The following SEPTIN9 variants were observed in gnomAD, a reference collection of about 807,000 sequenced individuals.
The protein encoded by SEPTIN9 is septin 9, also known as septin-9.
A neutral mutation model predicts 56.6 loss-of-function variants in SEPTIN9; 13 were observed. That is an observed-to-expected ratio of 0.23 (90% confidence interval 0.15 to 0.37). The LOEUF (loss-of-function observed/expected upper bound fraction) is 0.37. SEPTIN9 is among the 10% of genes least tolerant of loss of function. SEPTIN9 has a pLI of 1.00. For synonymous variants in SEPTIN9, 332 were observed against 334.1 expected (o/e 0.99, Z 0.07); for missense variants, 650 against 823.1 (o/e 0.79, Z 2.57).
At chr17:77,359,846 C>T (rs1284855634) in intron 2 of SEPTIN9, among the ~76,000 whole-genome samples, 1 of 151,756 alleles carries the variant, frequency 6.6e-6, no homozygotes, top group Non-Finnish European at 1.5e-5. Flanking sequence ...AAATCATGAG[C>T]ACATAACTCC....
Position 77,433,479 on chromosome 17 carries a change from G to A in SEPTIN9, c.721+30776G>A, listed in dbSNP as rs932634230. Among the ~76,000 whole-genome samples the A allele has an allele frequency of 2.0e-5, 3 of 152,158 alleles. No individual in the cohort carries two copies. On this transcript the variant is annotated intron_variant, in intron 3 of 11. Coordinates refer to ENST00000427177, the MANE Select transcript of SEPTIN9 (RefSeq NM_001113491.2). The surrounding 1 kb of genome is among the most constrained non-coding windows in gnomAD (Gnocchi z 6.4). ...GACCCACATGTGGCACTGGGACACG[G>A]AGAGGCTTTTGTGCCTGTGACGGCC... is the stretch of plus-strand genomic sequence containing the variant.
intron 10 of SEPTIN9, among the ~76,000 whole-genome samples, chr17:77,494,198 C>G (rs2040158089): frequency 6.6e-6 from 1 of 152,214 alleles, no homozygotes; most frequent in Admixed American, 6.5e-5. Context: ...CAAGTAAGGT[C>G]ACAATCATGG....
chr17:77,376,670 C>G (rs905626013), intron 2 of SEPTIN9: 6 of 152,542 alleles, frequency 3.9e-5, no homozygotes, highest in Admixed American at 2.0e-4. Flanking sequence ...GAACTAGTGG[C>G]AGTATACAGG....
chr17:77,388,087 C>T (rs1439788588), intron 2 of SEPTIN9, among the ~76,000 whole-genome samples: 2 of 152,178 alleles, frequency 1.3e-5, no homozygotes, highest in Non-Finnish European at 2.9e-5. Flanking sequence ...TGTGGGGCCC[C>T]CTCGCTGTGT....
At chr17:77,416,081 C>G (rs1280885710) in intron 3 of SEPTIN9, among the ~76,000 whole-genome samples, 2 of 152,236 alleles carry the variant, frequency 1.3e-5, no homozygotes, top group Non-Finnish European at 2.9e-5. Flanking sequence ...CAGCCCTGCA[C>G]GTGCACAGCC....
At chr17:77,390,801 T>A (rs1451450176) in intron 2 of SEPTIN9, among the ~76,000 whole-genome samples, 1 of 152,210 alleles carries the variant, frequency 6.6e-6, no homozygotes, top group African/African-American at 2.4e-5. Flanking sequence ...GTGTGGTTAC[T>A]CCAAGACCTT....
At chr17:77,383,100 G>A (rs2035203864) in intron 2 of SEPTIN9, among the ~76,000 whole-genome samples, 1 of 151,992 alleles carries the variant, frequency 6.6e-6, no homozygotes. Flanking sequence ...GCACACAGCT[G>A]CCCTGGAGCC....
chr17:77,331,929 A>G (rs879527047), intron 2 of SEPTIN9, among the ~76,000 whole-genome samples: 2 of 152,208 alleles, frequency 1.3e-5, no homozygotes, highest in African/African-American at 2.4e-5. Context: ...GATAGGTTTC[A>G]ATCTTTTTTA....
In SEPTIN9 at chr17:77,500,083, C is replaced by T. The variant is rs575589295; in HGVS notation, c.*1425C>T. The T allele has an allele frequency of 4.3e-6, 1 of 234,028 alleles. No individual in the cohort carries two copies. Among genetic ancestry groups the T allele is most frequent in the Non-Finnish European group, 8.4e-6 (1 of 118,714 alleles). 14.5% of individuals were successfully genotyped at this position (234,028 alleles called of 1,614,324 possible). ...GAAAGAGGGGCCTGATGAGACTCCACTCAGGTGCACACATCACCAGGTGCA... is the reference window on the plus strand; with the variant it reads ...GAAAGAGGGGCCTGATGAGACTCCATTCAGGTGCACACATCACCAGGTGCA... On this transcript the variant is annotated 3_prime_UTR_variant, in exon 12 of 12. Transcript: ENST00000427177.
intron 2 of SEPTIN9, chr17:77,322,840 T>C (rs1020059252): frequency 1.3e-5 from 2 of 152,388 alleles, no homozygotes; most frequent in African/African-American, 2.4e-5. Flanking sequence ...AGAGCTGCTC[T>C]GATCCCCAAG....
intron 1 of SEPTIN9, among the ~76,000 whole-genome samples, chr17:77,284,920 G>A (rs1004376598): frequency 1.3e-5 from 2 of 152,164 alleles, no homozygotes; most frequent in South Asian, 2.1e-4. Flanking sequence ...GAGCCACCAC[G>A]CCCAGCCTGC....
chr17:77,439,213 A>G (rs191476225), intron 3 of SEPTIN9, among the ~76,000 whole-genome samples: 1 of 152,068 alleles, frequency 6.6e-6, no homozygotes, highest in South Asian at 2.1e-4. Flanking sequence ...CTGGTTGGGG[A>G]GGAGGGTTGG....
chr17:77,500,079 T>A lies in SEPTIN9; in HGVS notation c.*1421T>A. On this transcript the variant is annotated 3_prime_UTR_variant, in exon 12 of 12. Coordinates refer to ENST00000427177, the MANE Select transcript of SEPTIN9 (RefSeq NM_001113491.2). ...GGGAGAAAGAGGGGCCTGATGAGAC[T>A]CCACTCAGGTGCACACATCACCAGG... The A allele has an allele frequency of 4.3e-6, 1 of 234,044 alleles. No homozygotes were observed. The highest frequency in any genetic ancestry group is 8.4e-6 in the Non-Finnish European group (1 of 118,734). 14.5% of individuals were successfully genotyped at this position (234,044 alleles called of 1,614,324 possible).
intron 1 of SEPTIN9, among the ~76,000 whole-genome samples, chr17:77,294,244 C>T (rs2031704098): frequency 6.6e-6 from 1 of 151,966 alleles, no homozygotes; most frequent in South Asian, 2.1e-4. Flanking sequence ...CATGGTGAAA[C>T]CCCATCTCTA....
chr17:77,460,057 C>T (rs1057246042), intron 3 of SEPTIN9, among the ~76,000 whole-genome samples: 2 of 152,090 alleles, frequency 1.3e-5, no homozygotes, highest in African/African-American at 4.8e-5. Context: ...GGATCCACCC[C>T]CATGACCCAA....
Position 77,385,256 on chromosome 17 carries a change from A to G in SEPTIN9, c.77-16803A>G, listed in dbSNP as rs1358647090. Among the ~76,000 whole-genome samples, 5 of 147,566 alleles carry G rather than the reference A, an allele frequency of 3.4e-5. No homozygotes were observed. The South Asian group carries it at 8.6e-4, about 25-fold the overall frequency. On this transcript the variant is annotated intron_variant, in intron 2 of 11. Coordinates refer to ENST00000427177, the MANE Select transcript of SEPTIN9 (RefSeq NM_001113491.2). Reference sequence around the variant, plus strand: ...TGGTTCACTGCAACCTCTGCCTCCCAGGTTCAGGTGATTCTCATGCCTCAG... The same window carrying G: ...TGGTTCACTGCAACCTCTGCCTCCCGGGTTCAGGTGATTCTCATGCCTCAG...
At chr17:77,363,379 C>CGTT (rs2034478767) in intron 2 of SEPTIN9, among the ~76,000 whole-genome samples, 1 of 66,614 alleles carries the variant, frequency 1.5e-5, no homozygotes, top group Admixed American at 2.2e-4. Context: ...TTGGGCCTGT[C>CGTT]TTTTTTTTTT....
chr17:77,404,666 G>A (rs1001310910), intron 3 of SEPTIN9, among the ~76,000 whole-genome samples: 3 of 152,138 alleles, frequency 2.0e-5, no homozygotes, highest in East Asian at 1.9e-4. Context: ...ATGCTTTCAT[G>A]GGCATGTGGA....
At chr17:77,311,223 C>A (rs994241587) in intron 2 of SEPTIN9, among the ~76,000 whole-genome samples, 2 of 145,074 alleles carry the variant, frequency 1.4e-5, no homozygotes, top group African/African-American at 2.5e-5. Flanking sequence ...AGGAAGGACC[C>A]CCCCCCCACC....
Sources: allele counts gnomAD v4.1 joint callset (sites outside exome capture counted in the v4.1 genomes callset), GRCh38; gene constraint gnomAD v4.1.1; non-coding constraint Gnocchi (gnomAD v3.1); transcripts MANE v1.5; gene names NCBI Gene and HGNC (gene_info 2026-07-23, HGNC 2026-07-21).